Variants in ZEB1 observed in about 807,000 individuals in gnomAD.
ZEB1 encodes the protein zinc finger E-box binding homeobox 1, also known as zinc finger E-box-binding homeobox 1.
A neutral mutation model predicts 84.9 loss-of-function variants in ZEB1; 21 were observed. That is an observed-to-expected ratio of 0.25 (90% CI 0.18 to 0.36). ZEB1 has a LOEUF of 0.36. Among genes scored for constraint, ZEB1 ranks in the 10% least tolerant of loss-of-function variants. ZEB1 has a pLI of 1.00. For synonymous variants in ZEB1, 420 were observed against 471.1 expected, an observed-to-expected ratio of 0.89 and a Z score of 1.41; for missense variants, 1,104 against 1,330.2, an observed-to-expected ratio of 0.83 and a Z score of 2.65.
intron 1 of ZEB1, among the ~76,000 whole-genome samples, chr10:31,412,124 T>C (rs763489907): frequency 6.6e-6 from 1 of 152,242 alleles, no homozygotes; most frequent in Non-Finnish European, 1.5e-5. Flanking sequence ...GTCCTACTTT[T>C]ACAAAATATC....
intron 2 of ZEB1, among the ~76,000 whole-genome samples, chr10:31,476,166 T>G (rs1158611540): frequency 6.6e-6 from 1 of 151,764 alleles, no homozygotes; most frequent in Non-Finnish European, 1.5e-5. Context: ...ATCAACATAA[T>G]GAAGAGTTTG....
intron 4 of ZEB1, among the ~76,000 whole-genome samples, chr10:31,504,865 T>C (rs1261939115): frequency 1.3e-5 from 2 of 152,128 alleles, no homozygotes; most frequent in Non-Finnish European, 2.9e-5. Flanking sequence ...TTTAGGTTTT[T>C]CTAGATATTA....
rs2073652458 is a variant in ZEB1 at position 31,527,158 on chromosome 10, A to G, written c.3272A>G (p.Glu1091Gly). The change falls in exon 9 of 9, where the codon GAA becomes GGA. Residue 1091 changes from glutamate to glycine, a missense_variant. Coordinates refer to ENST00000424869, the MANE Select transcript of ZEB1 (RefSeq NM_001174096.2). ...AATGAGGGAGAAGAAGCAAAAACTG[A>G]AGGTCTGATGAAGGATGACAGGGCT... ...AENEGEEAKT[E>G]GLMKDDRAES... 1 of 1,610,750 alleles carries G rather than the reference A, an allele frequency of 6.2e-7. No homozygotes were observed. Among genetic ancestry groups the G allele is most frequent in the South Asian group, 1.1e-5 (1 of 90,552 alleles).
intron 1 of ZEB1, among the ~76,000 whole-genome samples, chr10:31,353,835 C>T (rs530259444): frequency 1.3e-5 from 2 of 152,252 alleles, no homozygotes; most frequent in South Asian, 2.1e-4. Flanking sequence ...TCACAGAAAA[C>T]CAGTACTACT....
Position 31,527,453 on chromosome 10 carries a change from AAAAT to A in ZEB1, c.*194_*197del, listed in dbSNP as rs1283929963. 1.7e-5 allele frequency: 12 copies of A among 722,964 alleles called. No individual in the cohort carries two copies. In the Admixed American group the frequency reaches 1.8e-4, roughly 11 times the overall value. 44.8% of individuals were successfully genotyped at this position (722,964 alleles called of 1,614,324 possible). A position where few individuals can be genotyped will look rare whatever the true frequency, so the allele number is the denominator to read the frequency against. ...CACACACACACACACACACACACACAAAATAAATCCGGGTGTGCCTGAACCTCAG... is the reference window on the plus strand; with the variant it reads ...CACACACACACACACACACACACACAAAATCCGGGTGTGCCTGAACCTCAG... On this transcript the variant is annotated 3_prime_UTR_variant, in exon 9 of 9. Coordinates refer to ENST00000424869, the MANE Select transcript of ZEB1 (RefSeq NM_001174096.2).
chr10:31,361,543 C>T (rs1056544645), intron 1 of ZEB1, among the ~76,000 whole-genome samples: 1 of 152,256 alleles, frequency 6.6e-6, no homozygotes, highest in African/African-American at 2.4e-5. Context: ...AGAGACCCTC[C>T]TCACTTCCCA....
At chr10:31,356,352 G>GTATATATA (rs3057777) in intron 1 of ZEB1, among the ~76,000 whole-genome samples, 214 of 147,048 alleles carry the variant, frequency 1.5e-3, no homozygotes, top group African/African-American at 5.1e-3. Flanking sequence ...TATATGATGT[G>GTATATATA]TATATATATA....
At chr10:31,377,041 A>G (rs1019821589) in intron 1 of ZEB1, among the ~76,000 whole-genome samples, 2 of 150,996 alleles carry the variant, frequency 1.3e-5, no homozygotes, top group Non-Finnish European at 3.0e-5. Context: ...CAGTCACTCA[A>G]AGGCTTTCTA....
chr10:31,475,909 C>T (rs2064091370), intron 2 of ZEB1, among the ~76,000 whole-genome samples: 1 of 151,992 alleles, frequency 6.6e-6, no homozygotes, highest in Non-Finnish European at 1.5e-5. Flanking sequence ...GCTAACAAAA[C>T]TATGATGGGA....
At chr10:31,392,805 T>C (rs1048005598) in intron 1 of ZEB1, among the ~76,000 whole-genome samples, 3 of 151,284 alleles carry the variant, frequency 2.0e-5, no homozygotes, top group Non-Finnish European at 2.9e-5. Context: ...TAATATACTT[T>C]TATATAGATG....
chr10:31,528,849 T>G lies in ZEB1; in HGVS notation c.*1585T>G, dbSNP rs1834627510. The G allele has an allele frequency of 6.6e-6, 1 of 152,200 alleles. No homozygotes were observed. The highest frequency in any genetic ancestry group is 6.5e-5 in the Admixed American group (1 of 15,274). The allele number at this position is 152,200 out of a possible 1,614,324, so 9.4% of individuals were successfully genotyped here. On this transcript the variant is annotated 3_prime_UTR_variant, in exon 9 of 9. Coordinates refer to ENST00000424869, the MANE Select transcript of ZEB1 (RefSeq NM_001174096.2). ...CTTGGACTGTAGAACAGAACTTAAA[T>G]GGGAATGTATTAGTTTTACAACTAC...
chr10:31,471,373 A>C (rs1010519852), intron 2 of ZEB1, among the ~76,000 whole-genome samples: 7 of 149,762 alleles, frequency 4.7e-5, no homozygotes, highest in African/African-American at 1.7e-4. Flanking sequence ...AGGAAGATCT[A>C]CCAAGCAAAT....
intron 1 of ZEB1, among the ~76,000 whole-genome samples, chr10:31,421,885 T>C (rs1213368325): frequency 6.6e-6 from 1 of 152,134 alleles, no homozygotes; most frequent in East Asian, 1.9e-4. Flanking sequence ...GCTCAATACA[T>C]GTTTTGAGTA....
chr10:31,426,581 G>A lies in ZEB1; in HGVS notation c.59-34456G>A, dbSNP rs955359789. ...CTCATGTTGTTTAGGTTTTCCAACT[G>A]GGGACATCCTGTGATCTGACTGTTC... On this transcript the variant is annotated intron_variant, in intron 1 of 8. Transcript: ENST00000424869. Among the ~76,000 whole-genome samples the A allele has an allele frequency of 2.6e-4, 40 of 152,148 alleles. 1 individual carries two copies. The highest frequency in any genetic ancestry group is 2.6e-3 in the Admixed American group (40 of 15,274).
chr10:31,512,837 G>C (rs1412807398), intron 5 of ZEB1, among the ~76,000 whole-genome samples: 1 of 152,114 alleles, frequency 6.6e-6, no homozygotes, highest in Non-Finnish European at 1.5e-5. Flanking sequence ...ATACAGTGAA[G>C]GAGCCAGTCA....
intron 2 of ZEB1, among the ~76,000 whole-genome samples, chr10:31,464,356 AAAAAAAG>A (rs929387436): frequency 2.0e-5 from 3 of 152,100 alleles, no homozygotes; most frequent in African/African-American, 7.2e-5. Flanking sequence ...CTATCTCAGA[AAAAAAAG>A]AAAAAAGAAA....
intron 1 of ZEB1, among the ~76,000 whole-genome samples, chr10:31,397,947 T>C (rs1383570803): frequency 6.6e-6 from 1 of 152,210 alleles, no homozygotes; most frequent in Non-Finnish European, 1.5e-5. Context: ...TATATAATTT[T>C]AGCAAAGTTG....
intron 1 of ZEB1, among the ~76,000 whole-genome samples, chr10:31,332,727 C>A (rs1042343320): frequency 6.6e-6 from 1 of 152,100 alleles, no homozygotes. Flanking sequence ...AGACCAGCTG[C>A]TGAGGAAATA....
chr10:31,449,020 C>T (rs948531809), intron 1 of ZEB1, among the ~76,000 whole-genome samples: 473 of 152,328 alleles, frequency 3.1e-3, no homozygotes, highest in Non-Finnish European at 4.8e-3. Flanking sequence ...GCCTCGCTGC[C>T]GCCTTGCAGT....
Sources: gnomAD v4.1 joint callset for allele counts (sites outside exome capture counted in the v4.1 genomes callset) on GRCh38, gnomAD v4.1.1 for gene constraint, MANE v1.5 for transcripts, NCBI Gene and HGNC (gene_info 2026-07-23, HGNC 2026-07-21) for gene names.